CARMIL1: variants seen among roughly 807,000 people sequenced by gnomAD.
CARMIL1 encodes the protein F-actin-uncapping protein LRRC16A.
CARMIL1 carries 90 observed loss-of-function variants against 177.1 expected under a neutral mutation model. That is an observed-to-expected ratio of 0.51 (90% CI 0.43 to 0.61). The LOEUF (loss-of-function observed/expected upper bound fraction) is 0.61. Ranked by LOEUF, CARMIL1 falls within the 20% of genes least tolerant of loss-of-function variation. The pLI, the probability that CARMIL1 is intolerant of heterozygous loss-of-function variation, is 0.00. For synonymous variants in CARMIL1, 577 were observed against 606.2 expected (o/e 0.95, Z 0.71); for missense variants, 1,380 against 1,667.0 (o/e 0.83, Z 3.00).
intron 8 of CARMIL1, chr6:25,452,497 G>A: frequency 1.2e-5 from 4 of 333,470 alleles, no homozygotes; most frequent in South Asian, 1.6e-4. Flanking sequence ...GGTTTTTGTG[G>A]GTCAAAACAT....
intron 2 of CARMIL1, among the ~76,000 whole-genome samples, chr6:25,348,219 G>A (rs1047694805): frequency 4.6e-5 from 7 of 151,836 alleles, no homozygotes; most frequent in Non-Finnish European, 8.8e-5. Flanking sequence ...TGCAACCTCC[G>A]CCTCCCGGGT....
At chr6:25,306,722 TG>T (rs1406063125) in intron 2 of CARMIL1, among the ~76,000 whole-genome samples, 3 of 152,334 alleles carry the variant, frequency 2.0e-5, no homozygotes, top group Admixed American at 6.5e-5. Flanking sequence ...TTTTATTTTT[TG>T]GCTACTGTGA....
chr6:25,434,739 A>T (rs1797088115), intron 4 of CARMIL1, among the ~76,000 whole-genome samples: 1 of 151,616 alleles, frequency 6.6e-6, no homozygotes, highest in South Asian at 2.1e-4. Context: ...TTTAGTAGAG[A>T]CAGGGTTTCA....
intron 5 of CARMIL1, among the ~76,000 whole-genome samples, chr6:25,442,594 A>G (rs557953706): frequency 8.6e-5 from 13 of 151,976 alleles, no homozygotes; most frequent in Non-Finnish European, 1.9e-4. Context: ...CCTCTCACTT[A>G]TTATTTCTGT....
At chr6:25,542,409 CTT>C (rs1297053652) in intron 26 of CARMIL1, among the ~76,000 whole-genome samples, 2 of 152,106 alleles carry the variant, frequency 1.3e-5, no homozygotes, top group Non-Finnish European at 2.9e-5. Context: ...TTCCTACATT[CTT>C]TTGACCTTGA....
intron 17 of CARMIL1, among the ~76,000 whole-genome samples, chr6:25,508,355 G>C (rs1310141935): frequency 6.6e-6 from 1 of 152,182 alleles, no homozygotes; most frequent in African/African-American, 2.4e-5. Flanking sequence ...GTCTGCCTCT[G>C]TGTAATACTC....
chr6:25,515,937 C>G lies in CARMIL1; in HGVS notation c.1805+90C>G. 2.3e-6 allele frequency: 3 copies of G among 1,311,240 alleles called. No individual in the cohort carries two copies. Among genetic ancestry groups the G allele is most frequent in the East Asian group, 5.2e-5 (2 of 38,696 alleles). The allele number at this position is 1,311,240 out of a possible 1,614,324, so 81.2% of individuals were successfully genotyped here. A position where few individuals can be genotyped will look rare whatever the true frequency, so the allele number is the denominator to read the frequency against. On this transcript the variant is annotated intron_variant, in intron 21 of 36. Coordinates refer to ENST00000329474, the MANE Select transcript of CARMIL1 (RefSeq NM_017640.6). This position sits in a 1 kb window ranked among gnomAD's most constrained non-coding sequence, Gnocchi z 5.0. ...TGCAGAGCTGCTGGGCCCGAGGGGA[C>G]CTGGGCTTCCCATGAGGCCATCTTG...
intron 33 of CARMIL1, among the ~76,000 whole-genome samples, chr6:25,601,037 A>G (rs1039341102): frequency 3.3e-5 from 5 of 152,032 alleles, no homozygotes; most frequent in Admixed American, 6.6e-5. Context: ...ATGTCCCCAC[A>G]CTTCCTGCCG....
chr6:25,572,876 T>C (rs1812231945), intron 29 of CARMIL1, among the ~76,000 whole-genome samples: 6 of 152,198 alleles, frequency 3.9e-5, no homozygotes, highest in Admixed American at 3.3e-4. Context: ...CTTTACTATT[T>C]TATCTTTGTG....
intron 2 of CARMIL1, among the ~76,000 whole-genome samples, chr6:25,353,863 T>C (rs1292632452): frequency 6.6e-6 from 1 of 152,166 alleles, no homozygotes; most frequent in Non-Finnish European, 1.5e-5. Context: ...CATTTTAGCT[T>C]CTGGAGGGAT....
At chr6:25,378,890 A>T (rs1167555375) in intron 2 of CARMIL1, among the ~76,000 whole-genome samples, 1 of 36,382 alleles carries the variant, frequency 2.7e-5, no homozygotes, top group Non-Finnish European at 5.8e-5. Flanking sequence ...CTTGGGGATT[A>T]AAAAAAAAAA....
At chr6:25,480,702 G>T in intron 11 of CARMIL1, among the ~76,000 whole-genome samples, 1 of 144,926 alleles carries the variant, frequency 6.9e-6, no homozygotes, top group Admixed American at 6.9e-5. Flanking sequence ...GAAATATTGG[G>T]TGAAAATCTG....
intron 16 of CARMIL1, among the ~76,000 whole-genome samples, chr6:25,495,565 G>A (rs1472761430): frequency 3.3e-5 from 5 of 150,628 alleles, no homozygotes; most frequent in African/African-American, 1.2e-4. Context: ...GTGTGTGTGT[G>A]TGTGTGTGTG....
intron 2 of CARMIL1, among the ~76,000 whole-genome samples, chr6:25,344,061 A>G (rs898451877): frequency 6.6e-6 from 1 of 152,018 alleles, no homozygotes; most frequent in Non-Finnish European, 1.5e-5. Flanking sequence ...CCTGTCTCCA[A>G]CACTACTTCT....
chr6:25,606,875 A>T (rs751932492), intron 35 of CARMIL1, among the ~76,000 whole-genome samples: 1 of 152,308 alleles, frequency 6.6e-6, no homozygotes, highest in South Asian at 2.1e-4. Flanking sequence ...TGCAAAGTGT[A>T]AAATATTTAC....
chr6:25,580,824 C>G, intron 29 of CARMIL1, 100 bp from the exon 30 acceptor site: 2 of 849,324 alleles, frequency 2.4e-6, no homozygotes, highest in Non-Finnish European at 3.8e-6. Flanking sequence ...AGAGAAACAA[C>G]TACTGAGTTA....
intron 2 of CARMIL1, among the ~76,000 whole-genome samples, chr6:25,358,017 C>T (rs1193533927): frequency 1.3e-5 from 2 of 152,184 alleles, no homozygotes; most frequent in Admixed American, 6.5e-5. Flanking sequence ...GCTTTTCTTA[C>T]TGGTTTTGTC....
At position 25,366,000 on chromosome 6, in the gene CARMIL1, T is replaced by G. The variant is rs149810847; in HGVS notation, c.139-54114T>G. On this transcript the variant is annotated intron_variant, in intron 2 of 36. Transcript: ENST00000329474. ...TTCTTTCAGTGTCCATTTACGTATGTATGTATTATGTATTTAGAGACAGTG... is the reference window on the plus strand; with the variant it reads ...TTCTTTCAGTGTCCATTTACGTATGGATGTATTATGTATTTAGAGACAGTG... Among the ~76,000 whole-genome samples the G allele has an allele frequency of 2.6e-5, 4 of 152,222 alleles. No individual in the cohort carries two copies. The East Asian group carries it at 7.7e-4, about 29-fold the overall frequency.
intron 2 of CARMIL1, among the ~76,000 whole-genome samples, chr6:25,345,205 C>A (rs896592420): frequency 6.6e-6 from 1 of 152,144 alleles, no homozygotes; most frequent in Non-Finnish European, 1.5e-5. Flanking sequence ...ATTTAACAGT[C>A]AGTAAGTCCC....
Sources: allele counts gnomAD v4.1 joint callset (sites outside exome capture counted in the v4.1 genomes callset), GRCh38; gene constraint gnomAD v4.1.1; non-coding constraint Gnocchi (gnomAD v3.1); transcripts MANE v1.5; gene names NCBI Gene and HGNC (gene_info 2026-07-23, HGNC 2026-07-21).